The following MYT1L variants were observed in gnomAD, a reference collection of about 807,000 sequenced individuals.
MYT1L encodes myelin transcription factor 1-like protein.
A neutral mutation model predicts 126.7 loss-of-function variants in MYT1L; 12 were observed. The ratio of observed to expected loss-of-function variants is 0.09; its 90% CI spans 0.06 to 0.15. The LOEUF is 0.15. MYT1L is among the 10% of genes least tolerant of loss of function. The pLI is 1.00. For synonymous variants in MYT1L, 541 were observed against 604.2 expected, an observed-to-expected ratio of 0.90 and a Z score of 1.53; for missense variants, 979 against 1,585.2, an observed-to-expected ratio of 0.62 and a Z score of 6.49.
chr2:1,873,890 C>T (rs1052745721), intron 18 of MYT1L, among the ~76,000 whole-genome samples: 1 of 152,122 alleles, frequency 6.6e-6, no homozygotes, highest in African/African-American at 2.4e-5. Flanking sequence ...GTTCTGATGG[C>T]TCAGTGTCTT....
chr2:2,326,577 C>T lies in MYT1L; in HGVS notation c.-521+4390G>A, dbSNP rs1002803222. 4 of 151,924 alleles carry T rather than the reference C, an allele frequency of 2.6e-5. 1 individual carries two copies. The highest frequency in any genetic ancestry group is 2.9e-5 in the Non-Finnish European group (2 of 68,048). The allele number at this position is 151,924 out of a possible 1,614,324, so 9.4% of individuals were successfully genotyped here. On this transcript the variant is annotated intron_variant, in intron 1 of 24. Coordinates refer to ENST00000647738, the MANE Select transcript of MYT1L (RefSeq NM_001303052.2). ...AAATATTCCCCCCCGCCAACTTTTC[C>T]AATAATCACCACGTGGGGAGCAGAG...
chr2:2,129,349 T>C (rs925961399), intron 3 of MYT1L, among the ~76,000 whole-genome samples: 3 of 152,200 alleles, frequency 2.0e-5, no homozygotes, highest in Non-Finnish European at 4.4e-5. Flanking sequence ...CTTCTGGATA[T>C]TGAGGGCTTA....
chr2:1,891,947 G>A, intron 15 of MYT1L, 90 bp downstream of exon 15: 2 of 1,437,180 alleles, frequency 1.4e-6, no homozygotes, highest in East Asian at 2.5e-5. Flanking sequence ...CCATACAGCT[G>A]CCCCGAAAGC....
At chr2:1,794,839 T>A (rs537562107) in intron 23 of MYT1L, among the ~76,000 whole-genome samples, 114 of 152,302 alleles carry the variant, frequency 7.5e-4, no homozygotes, top group African/African-American at 2.6e-3. Context: ...TTAAATCTGC[T>A]TAGCTGTGGA....
intron 8 of MYT1L, among the ~76,000 whole-genome samples, chr2:1,954,180 C>T (rs1222863077): frequency 6.6e-6 from 1 of 152,122 alleles, no homozygotes; most frequent in Non-Finnish European, 1.5e-5. Context: ...CTAGACGTTC[C>T]ACCCTCTAAG....
intron 1 of MYT1L, among the ~76,000 whole-genome samples, chr2:2,297,783 A>G (rs551712727): frequency 1.2e-4 from 19 of 152,042 alleles, no homozygotes; most frequent in African/African-American, 4.3e-4. Flanking sequence ...AATAAAGGGA[A>G]TGTCTTTGGG....
At chr2:1,964,203 T>C (rs34636111) in intron 8 of MYT1L, among the ~76,000 whole-genome samples, 14,276 of 152,164 alleles carry the variant, frequency 0.094, 1,219 homozygotes, top group African/African-American at 0.23. Context: ...GCAGAGCAGT[T>C]GGAACACACA....
chr2:2,091,373 C>A (rs903671666), intron 3 of MYT1L, among the ~76,000 whole-genome samples: 1 of 152,034 alleles, frequency 6.6e-6, no homozygotes, highest in African/African-American at 2.4e-5. Flanking sequence ...TGAAAGAAAT[C>A]TTTTTTTTCT....
chr2:2,032,558 G>C (rs1475907648), intron 4 of MYT1L, among the ~76,000 whole-genome samples: 6 of 144,848 alleles, frequency 4.1e-5, no homozygotes, highest in African/African-American at 1.6e-4. Context: ...CCTCCCCAGT[G>C]CCTCTCATCC....
rs2066634546 is a variant in MYT1L, at chr2:2,033,490, T to A, written c.-158+20488A>T. Reference sequence around the variant, plus strand: ...TCATCCTATGGCAACGAGGCAGAACTCAGGATGGGACCTGGGGGCACGCCA... The same window carrying A: ...TCATCCTATGGCAACGAGGCAGAACACAGGATGGGACCTGGGGGCACGCCA... On this transcript the variant is annotated intron_variant, in intron 4 of 24. Coordinates refer to ENST00000647738, the MANE Select transcript of MYT1L (RefSeq NM_001303052.2). 3.9e-5 allele frequency among the ~76,000 whole-genome samples: 6 copies of A among 152,312 alleles called. No individual in the cohort carries two copies. The South Asian group carries it at 1.2e-3, about 32-fold the overall frequency.
intron 3 of MYT1L, among the ~76,000 whole-genome samples, chr2:2,145,204 C>T (rs547972682): frequency 6.6e-6 from 1 of 152,300 alleles, no homozygotes; most frequent in South Asian, 2.1e-4. Flanking sequence ...GGTGTGGCCT[C>T]ATTGTCTGTG....
At chr2:2,315,872 TTTG>T (rs1428261429) in intron 1 of MYT1L, among the ~76,000 whole-genome samples, 1 of 152,242 alleles carries the variant, frequency 6.6e-6, no homozygotes, top group Non-Finnish European at 1.5e-5. Context: ...TGTTTCTGCA[TTTG>T]TTTTCTTTCC....
intron 3 of MYT1L, among the ~76,000 whole-genome samples, chr2:2,112,413 C>T (rs2079578438): frequency 6.6e-6 from 1 of 152,198 alleles, no homozygotes; most frequent in South Asian, 2.1e-4. Context: ...AAAAATGTTT[C>T]CTTAATCATT....
chr2:2,262,928 ATAT>A (rs2095016697), intron 2 of MYT1L, among the ~76,000 whole-genome samples: 2 of 94,252 alleles, frequency 2.1e-5, no homozygotes, highest in African/African-American at 8.9e-5. Context: ...ATATATATAT[ATAT>A]AACCTGTGAT....
In MYT1L at chr2:1,801,885, A is replaced by C; in HGVS notation, c.3173-86T>G. 1 of 767,902 alleles carries C rather than the reference A, an allele frequency of 1.3e-6. No individual in the cohort carries two copies. Among genetic ancestry groups the C allele is most frequent in the Non-Finnish European group, 2.1e-6 (1 of 487,060 alleles). 47.6% of individuals were successfully genotyped at this position (767,902 alleles called of 1,614,324 possible). A position where few individuals can be genotyped will look rare whatever the true frequency, so the allele number is the denominator to read the frequency against. ...TTTGGGAGCTTTCTTTGTTCCTTTT[A>C]TATTCGTAATTGAATTTGCTTGGAA... On this transcript the variant is annotated intron_variant, in intron 22 of 24. Transcript: ENST00000647738. This position sits in a 1 kb window ranked among gnomAD's most constrained non-coding sequence, Gnocchi z 4.2.
chr2:2,209,463 A>G (rs967629923), intron 2 of MYT1L, among the ~76,000 whole-genome samples: 2 of 151,750 alleles, frequency 1.3e-5, no homozygotes, highest in Non-Finnish European at 2.9e-5. Context: ...AATTGTTTTG[A>G]CTTTTAGTTT....
intron 4 of MYT1L, among the ~76,000 whole-genome samples, chr2:2,047,773 T>C (rs1351184152): frequency 6.6e-6 from 1 of 152,228 alleles, no homozygotes; most frequent in Non-Finnish European, 1.5e-5. Context: ...CTAACAATAG[T>C]AAATTTTTAT....
At chr2:2,181,090 GTGTACCTGTGTGTGAACATGTATC>G (rs545055320) in intron 2 of MYT1L, among the ~76,000 whole-genome samples, 210 of 151,904 alleles carry the variant, frequency 1.4e-3, no homozygotes, top group Non-Finnish European at 2.1e-3. Flanking sequence ...GTATGTACCT[GTGTACCTGTGTGTGAACATGTATC>G]TGTACCTGTG....
At chr2:2,071,783 G>A (rs193083397) in intron 3 of MYT1L, among the ~76,000 whole-genome samples, 121 of 152,240 alleles carry the variant, frequency 7.9e-4, no homozygotes, top group Admixed American at 3.3e-3. Flanking sequence ...GGGGAATGAC[G>A]TCTAGAAGAA....
Sources: gnomAD v4.1 joint callset for allele counts (sites outside exome capture counted in the v4.1 genomes callset) on GRCh38, gnomAD v4.1.1 for gene constraint, Gnocchi (gnomAD v3.1) non-coding constraint, MANE v1.5 for transcripts, NCBI Gene and HGNC (gene_info 2026-07-23, HGNC 2026-07-21) for gene names.